GLUD1: variants seen among roughly 807,000 people sequenced by gnomAD.
GLUD1 encodes glutamate dehydrogenase 1, mitochondrial.
A neutral mutation model predicts 56.0 loss-of-function variants in GLUD1; 22 were observed. That is an observed-to-expected ratio of 0.39 (90% CI 0.28 to 0.56). GLUD1 has a LOEUF of 0.56. Among genes scored for constraint, GLUD1 ranks in the 20% least tolerant of loss-of-function variants. The probability of loss-of-function intolerance (pLI) is 0.58; values close to 1 mark genes in which losing one functional copy is unlikely to be tolerated. For synonymous variants in GLUD1, 223 were observed against 269.9 expected (o/e 0.83, Z 1.70); for missense variants, 451 against 732.0 (o/e 0.62, Z 4.43).
At chr10:87,078,134 T>C (rs1055290197) in intron 1 of GLUD1, among the ~76,000 whole-genome samples, 1 of 152,228 alleles carries the variant, frequency 6.6e-6, no homozygotes, top group African/African-American at 2.4e-5. Context: ...AACATACTTA[T>C]TTGGTCTACT....
rs1254561217 is a variant in GLUD1 at position 87,074,431 on chromosome 10, GC to G, written c.646+119del. 9.5e-5 allele frequency: 67 copies of G among 706,366 alleles called. No homozygotes were observed. In the Middle Eastern group the frequency reaches 1.2e-3, roughly 12 times the overall value. 43.8% of individuals were successfully genotyped at this position (706,366 alleles called of 1,614,324 possible). On this transcript the variant is annotated intron_variant, in intron 4 of 12. Transcript: ENST00000277865. The stretch of plus-strand genomic sequence containing the variant: ...CAAGAGAATTGCTTGAACCCAGGAG[GC>G]GGACGAGATCGCACCACTGCACTCT...
chr10:87,093,441 G>C (rs1456747880), intron 1 of GLUD1, among the ~76,000 whole-genome samples: 1 of 152,234 alleles, frequency 6.6e-6, no homozygotes, highest in Non-Finnish European at 1.5e-5. Context: ...AAAGCAATCT[G>C]ACTACAGAGG....
chr10:87,062,871 A>G (rs1380616942), intron 5 of GLUD1, 36 bp from the exon 6 acceptor site: 6 of 1,585,866 alleles, frequency 3.8e-6, no homozygotes, highest in Non-Finnish European at 4.3e-6. Context: ...TGAAATGTCA[A>G]GTCCAATTTC....
At chr10:87,081,001 C>T (rs1841225507) in intron 1 of GLUD1, among the ~76,000 whole-genome samples, 3 of 139,176 alleles carry the variant, frequency 2.2e-5, no homozygotes, top group Admixed American at 2.1e-4. Flanking sequence ...GGCCAGCCGC[C>T]CCGTCCGGGA....
intron 1 of GLUD1, among the ~76,000 whole-genome samples, chr10:87,087,857 G>T (rs1017923625): frequency 2.0e-5 from 3 of 152,158 alleles, no homozygotes; most frequent in African/African-American, 7.2e-5. Flanking sequence ...GAGGTGGGCT[G>T]ATCACATGAG....
chr10:87,053,236 C>G (rs1297110062), intron 12 of GLUD1, 106 bp downstream of exon 12: 1 of 786,524 alleles, frequency 1.3e-6, no homozygotes, highest in East Asian at 2.5e-5. Flanking sequence ...GACCATTGAA[C>G]AGATTGATGT....
intron 1 of GLUD1, among the ~76,000 whole-genome samples, chr10:87,079,577 C>G (rs1841147283): frequency 6.6e-6 from 1 of 152,136 alleles, no homozygotes; most frequent in Non-Finnish European, 1.5e-5. Context: ...GGCGCTGTGC[C>G]CAGGCGACCC....
chr10:87,061,319 C>T lies in GLUD1; in HGVS notation c.922-267G>A, dbSNP rs1206588078. 5 of 563,536 alleles carry T rather than the reference C, an allele frequency of 8.9e-6. No individual in the cohort carries two copies. The East Asian group carries it at 1.3e-4, about 14-fold the overall frequency. The allele number at this position is 563,536 out of a possible 1,614,324, so 34.9% of individuals were successfully genotyped here. A position where few individuals can be genotyped will look rare whatever the true frequency, so the allele number is the denominator to read the frequency against. Reference sequence around the variant, plus strand: ...GGTGGATCACTTGAGGTCAGGAGTTCGAGATCAGCCATGGCCAACATGGTG... The same window carrying T: ...GGTGGATCACTTGAGGTCAGGAGTTTGAGATCAGCCATGGCCAACATGGTG... On this transcript the variant is annotated intron_variant, in intron 6 of 12. Transcript: ENST00000277865.
chr10:87,069,060 A>G (rs753522256), intron 4 of GLUD1, among the ~76,000 whole-genome samples: 100 of 151,888 alleles, frequency 6.6e-4, no homozygotes, highest in Non-Finnish European at 1.2e-3. Flanking sequence ...TATCATGAAC[A>G]TACATATGGA....
Position 87,050,318 on chromosome 10 carries a change from A to AC in GLUD1, c.*1432dup, listed in dbSNP as rs1487688851. ...TTTCTCTGAACGTGTAAAGCACCGA[A>AC]CAAAAAAAAAAAAAACAATTCAAGA... On this transcript the variant is annotated 3_prime_UTR_variant, in exon 13 of 13. Coordinates refer to ENST00000277865, the MANE Select transcript of GLUD1 (RefSeq NM_005271.5). Among the ~76,000 whole-genome samples the AC allele has an allele frequency of 3.3e-5, 5 of 150,904 alleles. No homozygotes were observed. Among genetic ancestry groups the AC allele is most frequent in the South Asian group, 2.1e-4 (1 of 4,784 alleles).
chr10:87,080,078 C>T (rs992821218), intron 1 of GLUD1, among the ~76,000 whole-genome samples: 2 of 151,878 alleles, frequency 1.3e-5, no homozygotes, highest in Non-Finnish European at 2.9e-5. Context: ...CCTGCGATTG[C>T]AGGCGCGCGC....
At chr10:87,060,604 A>G (rs1564765233) in intron 8 of GLUD1, 84 bp downstream of exon 8, 5 of 1,537,010 alleles carry the variant, frequency 3.3e-6, no homozygotes, top group Non-Finnish European at 4.5e-6. Flanking sequence ...AAAAAGAAAG[A>G]GAAAACTCAA....
intron 5 of GLUD1, among the ~76,000 whole-genome samples, chr10:87,065,576 A>G (rs1017905797): frequency 1.3e-5 from 2 of 152,154 alleles, no homozygotes; most frequent in African/African-American, 4.8e-5. Context: ...GAAATCTAAA[A>G]TCAAGGGCTA....
intron 1 of GLUD1, among the ~76,000 whole-genome samples, chr10:87,091,858 A>G (rs2133862934): frequency 6.6e-6 from 1 of 150,866 alleles, no homozygotes; most frequent in East Asian, 1.9e-4. Context: ...GAGGCAGATG[A>G]GGTTTTTTTT....
intron 1 of GLUD1, among the ~76,000 whole-genome samples, chr10:87,084,008 G>C (rs1217233118): frequency 1.3e-5 from 2 of 152,200 alleles, no homozygotes; most frequent in Non-Finnish European, 2.9e-5. Flanking sequence ...TTGGTACACA[G>C]GTGTCAGCCA....
chr10:87,062,631 A>T, intron 6 of GLUD1, 25 bp downstream of exon 6: 1 of 1,580,524 alleles, frequency 6.3e-7, no homozygotes, highest in South Asian at 1.1e-5. Context: ...GTTATTAAGG[A>T]AACTTTTTTT....
chr10:87,060,680 G>A lies in GLUD1; in HGVS notation c.1197+8C>T. On this transcript the variant is annotated splice_region_variant and intron_variant, in intron 8 of 12. Coordinates refer to ENST00000277865, the MANE Select transcript of GLUD1 (RefSeq NM_005271.5). ...TAATGTTGGTTCTGGTTTCTATAATGTTGTCACCTTGGCTTTGACTCTGGG... is the reference window on the plus strand; with the variant it reads ...TAATGTTGGTTCTGGTTTCTATAATATTGTCACCTTGGCTTTGACTCTGGG... The A allele has an allele frequency of 6.2e-7, 1 of 1,614,022 alleles. No individual in the cohort carries two copies. Among genetic ancestry groups the A allele is most frequent in the South Asian group, 1.1e-5 (1 of 91,068 alleles).
chr10:87,069,113 A>G (rs181602859), intron 4 of GLUD1, among the ~76,000 whole-genome samples: 1 of 152,186 alleles, frequency 6.6e-6, no homozygotes, highest in East Asian at 1.9e-4. Context: ...GTTCCCACTT[A>G]TAATTTTTTT....
intron 5 of GLUD1, among the ~76,000 whole-genome samples, chr10:87,064,844 G>T (rs1846031663): frequency 6.6e-6 from 1 of 152,142 alleles, no homozygotes. Flanking sequence ...ATACTGTCTG[G>T]GGTCAGGCCT....
Sources: gnomAD v4.1 joint callset for allele counts (sites outside exome capture counted in the v4.1 genomes callset) on GRCh38, gnomAD v4.1.1 for gene constraint, MANE v1.5 for transcripts, NCBI Gene and HGNC (gene_info 2026-07-23, HGNC 2026-07-21) for gene names.